GRP: variants seen among roughly 807,000 people sequenced by gnomAD.
GRP encodes the protein gastrin releasing peptide, also known as gastrin-releasing peptide.
A neutral mutation model predicts 12.7 loss-of-function variants in GRP; 11 were observed. That is an observed-to-expected ratio of 0.87 (90% confidence interval 0.55 to 1.44). GRP has a LOEUF of 1.44. Among genes scored for constraint, GRP ranks in the 40% most tolerant of loss-of-function variants. GRP has a pLI of 0.00. For synonymous variants in GRP, 84 were observed against 77.7 expected (o/e 1.08, Z -0.43); for missense variants, 212 against 185.4 (o/e 1.14, Z -0.83).
At chr18:59,224,546 A>G (rs1185603835) in intron 1 of GRP, among the ~76,000 whole-genome samples, 2 of 152,248 alleles carry the variant, frequency 1.3e-5, no homozygotes, top group East Asian at 3.8e-4. Flanking sequence ...AAAGTGCTAC[A>G]AAGTCCAACT....
intron 2 of GRP, among the ~76,000 whole-genome samples, chr18:59,227,111 G>C (rs986371509): frequency 1.9e-5 from 1 of 52,468 alleles, no homozygotes; most frequent in Admixed American, 2.2e-4. Context: ...TTTTTTTTTT[G>C]ACAAGGACTG....
intron 2 of GRP, 101 bp from the exon 3 acceptor site, chr18:59,230,303 C>A: frequency 1.3e-6 from 1 of 756,054 alleles, no homozygotes; most frequent in South Asian, 1.5e-5. Flanking sequence ...GCCTTTCTAA[C>A]AAGCTCCCAA....
At chr18:59,221,183 C>T (rs1470109571) in intron 1 of GRP, among the ~76,000 whole-genome samples, 1 of 152,248 alleles carries the variant, frequency 6.6e-6, no homozygotes, top group Non-Finnish European at 1.5e-5. Context: ...TTCGCCCTTT[C>T]CCCTCGCTCC....
rs989270477 is a variant in GRP, at chr18:59,230,660, G to T, written c.*192G>T. 18 of 560,784 alleles carry T rather than the reference G, an allele frequency of 3.2e-5. No homozygotes were observed. Among genetic ancestry groups the T allele is most frequent in the African/African-American group, 3.0e-4 (16 of 53,164 alleles). 34.7% of individuals were successfully genotyped at this position (560,784 alleles called of 1,614,324 possible). A position where few individuals can be genotyped will look rare whatever the true frequency, so the allele number is the denominator to read the frequency against. On this transcript the variant is annotated 3_prime_UTR_variant, in exon 3 of 3. Transcript: ENST00000256857. ...TTAAACTTGTTTGCTGTGAACAATT[G>T]TCGAAAAGAGTCTTCCAATTAATGC... is the stretch of plus-strand genomic sequence containing the variant.
chr18:59,226,988 T>TCTTC (rs879454779), intron 2 of GRP, among the ~76,000 whole-genome samples: 2,205 of 144,272 alleles, frequency 0.015, 41 homozygotes, highest in African/African-American at 0.033. Flanking sequence ...TGGTTTCTTT[T>TCTTC]CTTCCTTTCT....
intron 2 of GRP, among the ~76,000 whole-genome samples, chr18:59,230,067 ATACC>A (rs2070006513): frequency 6.6e-6 from 1 of 152,238 alleles, no homozygotes; most frequent in African/African-American, 2.4e-5. Context: ...TGGTTGAAAC[ATACC>A]TGAGTAATCA....
intron 1 of GRP, among the ~76,000 whole-genome samples, chr18:59,221,305 G>T (rs1434558156): frequency 1.3e-5 from 2 of 152,194 alleles, no homozygotes; most frequent in Non-Finnish European, 2.9e-5. Context: ...GGGTGCGGAG[G>T]GCGCCTGCGG....
intron 2 of GRP, among the ~76,000 whole-genome samples, chr18:59,229,853 C>G (rs2070002928): frequency 6.6e-6 from 1 of 152,190 alleles, no homozygotes; most frequent in African/African-American, 2.4e-5. Context: ...CACATTAACT[C>G]CTCTTCCCAA....
rs553281716 is a variant in GRP, at chr18:59,225,516, C to T, written c.164C>T (p.Thr55Ile). 73 of 1,613,716 alleles carry T rather than the reference C, an allele frequency of 4.5e-5. No homozygotes were observed. In the East Asian group the frequency reaches 1.5e-3, roughly 33 times the overall value. The change falls in exon 2 of 3, where the codon ACA becomes ATA. Residue 55 changes from threonine to isoleucine, a missense_variant. Physicochemically the swap from Thr to Ile is moderately conservative, Grantham distance 89. Transcript: ENST00000256857. ...AVGHLMGKKS[T>I]GESSSVSERG... Reference sequence around the variant, plus strand: ...GGGCACTTAATGGGGAAAAAGAGCACAGGGGAGTCTTCTTCTGTTTCTGAG... The same window carrying T: ...GGGCACTTAATGGGGAAAAAGAGCATAGGGGAGTCTTCTTCTGTTTCTGAG...
At position 59,223,217 on chromosome 18, in the gene GRP, G is replaced by A. The variant is rs144630959; in HGVS notation, c.140-2275G>A. 4.4e-3 allele frequency among the ~76,000 whole-genome samples: 674 copies of A among 152,254 alleles called. 5 individuals are homozygous for A. Among genetic ancestry groups the A allele is most frequent in the Middle Eastern group, 0.01 (3 of 294 alleles). On this transcript the variant is annotated intron_variant, in intron 1 of 2. Coordinates refer to ENST00000256857, the MANE Select transcript of GRP (RefSeq NM_002091.5). The stretch of plus-strand genomic sequence containing the variant: ...AGTGCCTGTCTTTTGTCTATGGTGA[G>A]GTTTCCATTATTATGATATGGGCAC...
chr18:59,224,822 G>A lies in GRP; in HGVS notation c.140-670G>A, dbSNP rs149595814. Among the ~76,000 whole-genome samples, 612 of 152,244 alleles carry A rather than the reference G, an allele frequency of 4.0e-3. 4 individuals are homozygous for A. Among genetic ancestry groups the A allele is most frequent in the African/African-American group, 0.014 (571 of 41,544 alleles). ...CCAAGAGAAAATTCTGCATTTATGC[G>A]GCTGTAAAGTGTTACTCAGGGCTTG... On this transcript the variant is annotated intron_variant, in intron 1 of 2. Coordinates refer to ENST00000256857, the MANE Select transcript of GRP (RefSeq NM_002091.5).
At chr18:59,228,174 A>G (rs1206153778) in intron 2 of GRP, among the ~76,000 whole-genome samples, 1 of 152,236 alleles carries the variant, frequency 6.6e-6, no homozygotes, top group Non-Finnish European at 1.5e-5. Context: ...TGCAGAGACC[A>G]AAATATTTTA....
chr18:59,219,789 C>A (rs897769695), upstream of GRP, among the ~76,000 whole-genome samples: 1 of 152,114 alleles, frequency 6.6e-6, no homozygotes, highest in Non-Finnish European at 1.5e-5. Flanking sequence ...CTACACCCCC[C>A]ACCCCTCCCG....
chr18:59,224,108 C>T (rs2069877231), intron 1 of GRP, among the ~76,000 whole-genome samples: 1 of 152,114 alleles, frequency 6.6e-6, no homozygotes, highest in Non-Finnish European at 1.5e-5. Context: ...TTCCAGATCC[C>T]AGAATGATTT....
intron 2 of GRP, among the ~76,000 whole-genome samples, chr18:59,227,002 TTTCTTTCTTTC>T (rs1304854541): frequency 2.0e-5 from 2 of 100,590 alleles, no homozygotes; most frequent in Admixed American, 1.0e-4. Context: ...CCTTTCTTTC[TTTCTTTCTTTC>T]TTTCTTTCTT....
At chr18:59,229,599 C>T (rs543640822) in intron 2 of GRP, among the ~76,000 whole-genome samples, 17 of 152,204 alleles carry the variant, frequency 1.1e-4, no homozygotes, top group Admixed American at 9.8e-4. Context: ...ATCAGTAGTT[C>T]CTTTATTAGA....
intron 1 of GRP, among the ~76,000 whole-genome samples, chr18:59,222,493 C>G (rs2069850612): frequency 6.6e-6 from 1 of 152,180 alleles, no homozygotes; most frequent in Non-Finnish European, 1.5e-5. Context: ...TAGAAACTCA[C>G]ATTTTAGCCT....
chr18:59,220,269 C>A lies in GRP; in HGVS notation c.4C>A (p.Arg2Ser), dbSNP rs1433318595. The change falls in exon 1 of 3, where the codon CGC becomes AGC. Residue 2 changes from arginine to serine, a missense_variant. Transcript: ENST00000256857. The part of the protein sequence containing the change: M[R>S]GRELPLVLLA... ...CCAAGGGCTTCCCGTCGGGACCATGCGCGGCCGTGAGCTCCCGCTGGTCCT... is the reference window on the plus strand; with the variant it reads ...CCAAGGGCTTCCCGTCGGGACCATGAGCGGCCGTGAGCTCCCGCTGGTCCT... 1.2e-5 allele frequency: 18 copies of A among 1,502,274 alleles called. No homozygotes were observed. The highest frequency in any genetic ancestry group is 1.4e-5 in the Non-Finnish European group (16 of 1,130,356). 93.1% of individuals were successfully genotyped at this position (1,502,274 alleles called of 1,614,324 possible).
chr18:59,227,273 GA>G (rs938723451), intron 2 of GRP, among the ~76,000 whole-genome samples: 2 of 150,116 alleles, frequency 1.3e-5, no homozygotes, highest in East Asian at 1.9e-4. Context: ...CTTTTATTCA[GA>G]AAAAAAACAA....
Sources: allele counts gnomAD v4.1 joint callset (sites outside exome capture counted in the v4.1 genomes callset), GRCh38; gene constraint gnomAD v4.1.1; transcripts MANE v1.5; gene names NCBI Gene and HGNC (gene_info 2026-07-23, HGNC 2026-07-21).